Variants in WSCD2 observed in about 807,000 individuals in gnomAD.
WSCD2 encodes sialate:O-sulfotransferase 2.
Under a neutral mutation model 55.7 loss-of-function variants are expected in WSCD2, and 28 were observed. The ratio of observed to expected loss-of-function variants is 0.50; its 90% CI spans 0.37 to 0.69. The LOEUF (loss-of-function observed/expected upper bound fraction) is 0.69, where lower values mean the gene tolerates loss of function less well. WSCD2 is among the 30% of genes least tolerant of loss of function. The pLI is 0.00. For synonymous variants in WSCD2, 301 were observed against 301.9 expected (o/e 1.00, Z 0.03); for missense variants, 616 against 762.1 (o/e 0.81, Z 2.26).
chr12:108,198,896 A>G (rs574469959), intron 2 of WSCD2, among the ~76,000 whole-genome samples: 22 of 152,340 alleles, frequency 1.4e-4, no homozygotes, highest in African/African-American at 5.3e-4. Context: ...GAAATCACTT[A>G]CCGTAGTTTA....
At chr12:108,165,349 G>A (rs1879498663) in intron 1 of WSCD2, among the ~76,000 whole-genome samples, 1 of 152,122 alleles carries the variant, frequency 6.6e-6, no homozygotes, top group Non-Finnish European at 1.5e-5. Flanking sequence ...TTTTTCTATT[G>A]TGCATACCCA....
intron 2 of WSCD2, among the ~76,000 whole-genome samples, chr12:108,201,805 T>G (rs1291913064): frequency 6.6e-6 from 1 of 151,988 alleles, no homozygotes; most frequent in Admixed American, 6.5e-5. Flanking sequence ...AGAGCAAAAT[T>G]CCATGAAAAG....
At chr12:108,203,067 C>A (rs980628396) in intron 2 of WSCD2, among the ~76,000 whole-genome samples, 2 of 152,210 alleles carry the variant, frequency 1.3e-5, no homozygotes, top group Non-Finnish European at 2.9e-5. Context: ...ATAGACAGAC[C>A]TGGACATGGA....
intron 1 of WSCD2, among the ~76,000 whole-genome samples, chr12:108,140,410 T>C (rs1438155610): frequency 6.6e-6 from 1 of 152,174 alleles, no homozygotes; most frequent in Non-Finnish European, 1.5e-5. Flanking sequence ...ACCTCCTTAC[T>C]GTCTATGAGC....
At chr12:108,232,403 G>C (rs1478735815) in intron 6 of WSCD2, among the ~76,000 whole-genome samples, 1 of 152,148 alleles carries the variant, frequency 6.6e-6, no homozygotes, top group Non-Finnish European at 1.5e-5. Flanking sequence ...GACTTGCTCT[G>C]CTGGGGGGAA....
intron 5 of WSCD2, among the ~76,000 whole-genome samples, chr12:108,225,976 G>T (rs991051325): frequency 1.3e-5 from 2 of 152,110 alleles, no homozygotes; most frequent in African/African-American, 4.8e-5. Flanking sequence ...TCTCCTGCAG[G>T]ACTGAAAGAG....
chr12:108,176,243 C>T (rs1880849927), intron 1 of WSCD2, among the ~76,000 whole-genome samples: 1 of 152,166 alleles, frequency 6.6e-6, no homozygotes, highest in South Asian at 2.1e-4. Context: ...ATGTGTACAA[C>T]CATATAACCT....
chr12:108,212,973 T>C (rs79783734), intron 4 of WSCD2, among the ~76,000 whole-genome samples: 12,055 of 152,112 alleles, frequency 0.079, 850 homozygotes, highest in African/African-American at 0.2. Context: ...TTATTAGCCT[T>C]GAGGCTACTA....
At chr12:108,247,855 C>A (rs1593136577) in intron 8 of WSCD2, 136 bp from the exon 9 acceptor site, 1 of 1,021,788 alleles carries the variant, frequency 9.8e-7, no homozygotes, top group Non-Finnish European at 1.4e-6. Flanking sequence ...CCTCACCTGG[C>A]CTGTATTATT....
At chr12:108,185,015 CTG>C (rs1410310682) in intron 1 of WSCD2, among the ~76,000 whole-genome samples, 1 of 152,162 alleles carries the variant, frequency 6.6e-6, no homozygotes, top group Non-Finnish European at 1.5e-5. Flanking sequence ...CCCATAAACT[CTG>C]TATCAGTTTC....
chr12:108,154,784 T>C (rs1331882223), intron 1 of WSCD2, among the ~76,000 whole-genome samples: 1 of 152,214 alleles, frequency 6.6e-6, no homozygotes, highest in Non-Finnish European at 1.5e-5. Flanking sequence ...TTCCCAGAGC[T>C]GCATATTTTT....
intron 1 of WSCD2, among the ~76,000 whole-genome samples, chr12:108,193,737 G>A (rs115151703): frequency 7.3e-4 from 111 of 152,280 alleles, no homozygotes; most frequent in African/African-American, 2.6e-3. Context: ...CTTAATGACT[G>A]GATGGGTAGG....
intron 7 of WSCD2, 168 bp downstream of exon 7, chr12:108,233,063 T>C: frequency 3.7e-6 from 3 of 812,932 alleles, no homozygotes; most frequent in Non-Finnish European, 5.6e-6. Context: ...CCACCTTCCT[T>C]TATGCCCCAC....
chr12:108,171,226 T>A (rs912954622), intron 1 of WSCD2, among the ~76,000 whole-genome samples: 5 of 152,196 alleles, frequency 3.3e-5, no homozygotes, highest in African/African-American at 1.2e-4. Context: ...AAATCCACGA[T>A]CACCATCTTG....
chr12:108,152,098 C>G (rs1878062266), intron 1 of WSCD2, among the ~76,000 whole-genome samples: 1 of 152,180 alleles, frequency 6.6e-6, no homozygotes, highest in Non-Finnish European at 1.5e-5. Flanking sequence ...TCTGATCCCC[C>G]CGGGAAACGC....
rs183269821 is a variant in WSCD2 at position 108,150,298 on chromosome 12, A to G, written c.-552+20372A>G. ...TCTTTCCCCTCTGGGCAGAGAATGGAGTATAGAATTCACCCCCTCTAATTG... is the reference window on the plus strand; with the variant it reads ...TCTTTCCCCTCTGGGCAGAGAATGGGGTATAGAATTCACCCCCTCTAATTG... On this transcript the variant is annotated intron_variant, in intron 1 of 8. Coordinates refer to ENST00000547525, the MANE Select transcript of WSCD2 (RefSeq NM_014653.4). 1.7e-3 allele frequency among the ~76,000 whole-genome samples: 259 copies of G among 152,240 alleles called. 1 individual carries two copies. Among genetic ancestry groups the G allele is most frequent in the African/African-American group, 5.9e-3 (246 of 41,544 alleles).
chr12:108,248,161 C>T lies in WSCD2; in HGVS notation c.1516C>T (p.Arg506Trp), dbSNP rs1273362031. The T allele has an allele frequency of 1.7e-5, 27 of 1,614,060 alleles. No individual in the cohort carries two copies. The highest frequency in any genetic ancestry group is 1.9e-5 in the Non-Finnish European group (22 of 1,180,034). The change falls in exon 9 of 9, where the codon CGG becomes TGG. Residue 506 changes from arginine to tryptophan, a missense_variant. Transcript: ENST00000547525. The surrounding 1 kb of genome is among the most constrained non-coding windows in gnomAD (Gnocchi z 4.3). ...SLLGVAVRED[R>W]LLCVESQKDG... Reference sequence around the variant, plus strand: ...GCTGGGCGTGGCTGTCAGGGAGGACCGGCTGCTCTGTGTGGAGAGCCAGAA... The same window carrying T: ...GCTGGGCGTGGCTGTCAGGGAGGACTGGCTGCTCTGTGTGGAGAGCCAGAA...
intron 1 of WSCD2, among the ~76,000 whole-genome samples, chr12:108,161,631 G>C (rs969004005): frequency 6.6e-6 from 1 of 152,216 alleles, no homozygotes; most frequent in Non-Finnish European, 1.5e-5. Context: ...AACCAGGAGA[G>C]AATAAATTTC....
At chr12:108,239,648 C>T (rs756341941) in intron 7 of WSCD2, among the ~76,000 whole-genome samples, 1 of 152,194 alleles carries the variant, frequency 6.6e-6, no homozygotes, top group Non-Finnish European at 1.5e-5. Context: ...CGCTGACTCC[C>T]CACAAAGAGC....
Sources: gnomAD v4.1 joint callset for allele counts (sites outside exome capture counted in the v4.1 genomes callset) on GRCh38, gnomAD v4.1.1 for gene constraint, Gnocchi (gnomAD v3.1) non-coding constraint, MANE v1.5 for transcripts, NCBI Gene and HGNC (gene_info 2026-07-23, HGNC 2026-07-21) for gene names.